PRKCE: variants seen among roughly 807,000 people sequenced by gnomAD.
PRKCE encodes protein kinase C epsilon type.
Under a neutral mutation model 85.4 loss-of-function variants are expected in PRKCE, and 16 were observed. That is an observed-to-expected ratio of 0.19 (90% confidence interval 0.13 to 0.28). The LOEUF (loss-of-function observed/expected upper bound fraction) is 0.28, where lower values mean the gene tolerates loss of function less well. PRKCE is among the 10% of genes least tolerant of loss of function. The pLI is 1.00. For missense variants in PRKCE, 573 were observed against 975.2 expected (o/e 0.59, Z 5.49); for synonymous variants, 388 against 371.5 (o/e 1.04, Z -0.51).
intron 1 of PRKCE, among the ~76,000 whole-genome samples, chr2:45,787,703 C>T (rs79760633): frequency 4.6e-4 from 70 of 152,210 alleles, no homozygotes; most frequent in African/African-American, 9.1e-4. Context: ...CAAGGCTTAC[C>T]GTATCAACAG....
chr2:45,831,428 T>C (rs936845712), intron 1 of PRKCE, among the ~76,000 whole-genome samples: 1 of 152,032 alleles, frequency 6.6e-6, no homozygotes, highest in Non-Finnish European at 1.5e-5. Flanking sequence ...AGGCAGAGGA[T>C]GGGGAATGCT....
intron 1 of PRKCE, among the ~76,000 whole-genome samples, chr2:45,836,004 A>G (rs1690845062): frequency 6.6e-6 from 1 of 152,194 alleles, no homozygotes; most frequent in Non-Finnish European, 1.5e-5. Flanking sequence ...TTGGGCTGTT[A>G]GGAATGAAGC....
At chr2:46,121,285 C>A (rs190257702) in intron 11 of PRKCE, among the ~76,000 whole-genome samples, 1 of 152,174 alleles carries the variant, frequency 6.6e-6, no homozygotes, top group Admixed American at 6.5e-5. Context: ...TTCATTTCCA[C>A]CTTGGTGCAC....
At chr2:46,082,771 G>C (rs1025123621) in intron 10 of PRKCE, among the ~76,000 whole-genome samples, 19 of 152,228 alleles carry the variant, frequency 1.2e-4, no homozygotes, top group Admixed American at 5.2e-4. Flanking sequence ...TGTGTTGAAA[G>C]AGGATGTGGT....
At chr2:45,793,185 G>A (rs1687166482) in intron 1 of PRKCE, among the ~76,000 whole-genome samples, 1 of 152,230 alleles carries the variant, frequency 6.6e-6, no homozygotes, top group African/African-American at 2.4e-5. Context: ...GTCCTGGAAA[G>A]CTCTTTGCTG....
At chr2:45,992,038 C>T (rs1703842678) in intron 6 of PRKCE, among the ~76,000 whole-genome samples, 1 of 152,178 alleles carries the variant, frequency 6.6e-6, no homozygotes, top group African/African-American at 2.4e-5. Context: ...TACTTTAGTT[C>T]TCTAGAAACT....
chr2:45,841,025 G>A (rs60678730), intron 1 of PRKCE, among the ~76,000 whole-genome samples: 70,176 of 151,918 alleles, frequency 0.46, 16,451 homozygotes, highest in Middle Eastern at 0.58. Flanking sequence ...CCACCTCCAC[G>A]AGTGTGTGCT....
At chr2:45,753,671 C>A (rs1452083274) in intron 1 of PRKCE, among the ~76,000 whole-genome samples, 1 of 152,110 alleles carries the variant, frequency 6.6e-6, no homozygotes, top group Non-Finnish European at 1.5e-5. Context: ...AAAAAAAAAC[C>A]TTTCTTATTA....
At chr2:45,776,544 A>T (rs1685762561) in intron 1 of PRKCE, among the ~76,000 whole-genome samples, 1 of 152,142 alleles carries the variant, frequency 6.6e-6, no homozygotes, top group South Asian at 2.1e-4. Context: ...TGCTCAAGGG[A>T]CTTTGATCTT....
chr2:46,151,285 ACAC>A, intron 13 of PRKCE, 56 bp downstream of exon 13: 1 of 429,626 alleles, frequency 2.3e-6, no homozygotes, highest in Non-Finnish European at 3.8e-6. Context: ...CCCCCTACAC[ACAC>A]ACACACACAC....
intron 1 of PRKCE, among the ~76,000 whole-genome samples, chr2:45,777,184 C>T (rs1422572886): frequency 6.6e-6 from 1 of 152,186 alleles, no homozygotes; most frequent in Non-Finnish European, 1.5e-5. Context: ...ATAGTGGGAT[C>T]TAACCTTGTT....
chr2:45,679,416 G>A (rs1226613377), intron 1 of PRKCE, among the ~76,000 whole-genome samples: 5 of 152,154 alleles, frequency 3.3e-5, no homozygotes, highest in African/African-American at 1.2e-4. Flanking sequence ...CTCTGTGAAA[G>A]GTGATACTGG....
chr2:45,919,980 G>T (rs1434779940), intron 2 of PRKCE, among the ~76,000 whole-genome samples: 2 of 152,192 alleles, frequency 1.3e-5, no homozygotes, highest in African/African-American at 4.8e-5. Flanking sequence ...TGAGACCTGA[G>T]AACTGGCTTC....
chr2:46,127,549 G>A (rs1476061699), intron 11 of PRKCE, among the ~76,000 whole-genome samples: 1 of 152,206 alleles, frequency 6.6e-6, no homozygotes, highest in Non-Finnish European at 1.5e-5. Flanking sequence ...CACAGTATTG[G>A]TCTCTGCTAT....
chr2:45,819,505 C>T (rs1356415794), intron 1 of PRKCE, among the ~76,000 whole-genome samples: 1 of 152,224 alleles, frequency 6.6e-6, no homozygotes, highest in African/African-American at 2.4e-5. Flanking sequence ...CTCCAAGGCT[C>T]AAGGCTGTGG....
chr2:45,653,370 GTTTT>G lies in PRKCE; in HGVS notation c.348+944_348+947del, dbSNP rs34888247. 1.6e-3 allele frequency among the ~76,000 whole-genome samples: 97 copies of G among 61,482 alleles called. 1 individual carries two copies. The highest frequency in any genetic ancestry group is 7.7e-3 in the East Asian group (10 of 1,306). 40.3% of individuals were successfully genotyped at this position (61,482 alleles called of 152,430 possible). ...TGCTTTTTGTGTTTGTTTTTGGGTT[GTTTT>G]TTTTTTTTTTTTTTTTTTTTTCTCT... On this transcript the variant is annotated intron_variant, in intron 1 of 14. Transcript: ENST00000306156.
intron 11 of PRKCE, among the ~76,000 whole-genome samples, chr2:46,104,996 A>T (rs2104134519): frequency 6.6e-6 from 1 of 151,086 alleles, no homozygotes; most frequent in East Asian, 1.9e-4. Flanking sequence ...CTTACTAATA[A>T]ATGTCCTCTG....
intron 14 of PRKCE, among the ~76,000 whole-genome samples, chr2:46,170,294 T>G (rs1678765681): frequency 6.6e-6 from 1 of 152,212 alleles, no homozygotes; most frequent in Admixed American, 6.5e-5. Flanking sequence ...CCACATAGCA[T>G]GTACTTTTTT....
chr2:46,142,763 T>C (rs917793610), intron 11 of PRKCE, among the ~76,000 whole-genome samples: 2 of 152,230 alleles, frequency 1.3e-5, no homozygotes, highest in Non-Finnish European at 2.9e-5. Flanking sequence ...TCCTCCTTCT[T>C]TGCCCCACCT....
Sources: gnomAD v4.1 joint callset for allele counts (sites outside exome capture counted in the v4.1 genomes callset) on GRCh38, gnomAD v4.1.1 for gene constraint, MANE v1.5 for transcripts, NCBI Gene and HGNC (gene_info 2026-07-23, HGNC 2026-07-21) for gene names.